PPP1R9A: variants seen among roughly 807,000 people sequenced by gnomAD.
The protein encoded by PPP1R9A is neurabin-1.
A neutral mutation model predicts 141.9 loss-of-function variants in PPP1R9A; 59 were observed. The ratio of observed to expected loss-of-function variants is 0.42; its 90% CI spans 0.34 to 0.52. The LOEUF (loss-of-function observed/expected upper bound fraction) is 0.52. Ranked by LOEUF, PPP1R9A falls within the 20% of genes least tolerant of loss-of-function variation. The pLI is 0.10. For synonymous variants in PPP1R9A, 500 were observed against 569.7 expected (o/e 0.88, Z 1.74); for missense variants, 1,444 against 1,611.9 (o/e 0.90, Z 1.78).
chr7:95,108,044 G>C (rs1015742001), intron 2 of PPP1R9A, among the ~76,000 whole-genome samples: 1 of 151,902 alleles, frequency 6.6e-6, no homozygotes, highest in Non-Finnish European at 1.5e-5. Context: ...CTAAGTTTTT[G>C]TATATAGGTA....
chr7:95,124,793 G>A (rs1823266573), intron 4 of PPP1R9A, among the ~76,000 whole-genome samples: 1 of 152,030 alleles, frequency 6.6e-6, no homozygotes, highest in Non-Finnish European at 1.5e-5. Context: ...TGTTAAATGA[G>A]CAGACATGTA....
At chr7:95,265,784 A>G (rs1306645482) in intron 12 of PPP1R9A, among the ~76,000 whole-genome samples, 2 of 152,184 alleles carry the variant, frequency 1.3e-5, no homozygotes, top group Non-Finnish European at 2.9e-5. Context: ...GCTCTGTGAT[A>G]TTTGCTTTCA....
intron 6 of PPP1R9A, among the ~76,000 whole-genome samples, chr7:95,203,303 G>T (rs1789984602): frequency 6.6e-6 from 1 of 151,760 alleles, no homozygotes; most frequent in Non-Finnish European, 1.5e-5. Context: ...AGTATTAAAA[G>T]GTATACAATA....
At chr7:95,265,295 G>A (rs1801110048) in intron 12 of PPP1R9A, among the ~76,000 whole-genome samples, 1 of 152,186 alleles carries the variant, frequency 6.6e-6, no homozygotes, top group Admixed American at 6.6e-5. Context: ...TCCAGAAGGA[G>A]AATAGGCTTC....
chr7:95,055,831 G>A (rs6959219), intron 2 of PPP1R9A, among the ~76,000 whole-genome samples: 75,099 of 151,776 alleles, frequency 0.49, 19,526 homozygotes, highest in African/African-American at 0.62. Context: ...ACATACGTTA[G>A]GAATTTCTTG....
chr7:94,997,284 T>G (rs1200933398), intron 2 of PPP1R9A, among the ~76,000 whole-genome samples: 1 of 152,170 alleles, frequency 6.6e-6, no homozygotes, highest in Non-Finnish European at 1.5e-5. Context: ...CTAGTCTCTT[T>G]TTTTCACCCA....
At chr7:94,969,364 C>T (rs1195778558) in intron 2 of PPP1R9A, among the ~76,000 whole-genome samples, 1 of 152,104 alleles carries the variant, frequency 6.6e-6, no homozygotes, top group Non-Finnish European at 1.5e-5. Context: ...GATGCTATTC[C>T]TTTCTGATTG....
chr7:95,092,924 T>A (rs898858479), intron 2 of PPP1R9A, among the ~76,000 whole-genome samples: 1 of 152,182 alleles, frequency 6.6e-6, no homozygotes, highest in Non-Finnish European at 1.5e-5. Flanking sequence ...TAAACTGTGT[T>A]GCTATAATTG....
chr7:94,957,128 A>T (rs1191904608), intron 2 of PPP1R9A, among the ~76,000 whole-genome samples: 1 of 152,180 alleles, frequency 6.6e-6, no homozygotes, highest in Non-Finnish European at 1.5e-5. Flanking sequence ...TTTATTTTAA[A>T]GCTACACTAC....
chr7:95,155,689 T>C (rs1439270451), intron 4 of PPP1R9A: 2 of 152,180 alleles, frequency 1.3e-5, no homozygotes, highest in Admixed American at 1.3e-4. Flanking sequence ...AAAGAAAATA[T>C]ATCAAATATT....
At chr7:94,952,315 G>A (rs1014549459) in intron 2 of PPP1R9A, among the ~76,000 whole-genome samples, 4 of 152,132 alleles carry the variant, frequency 2.6e-5, no homozygotes, top group Non-Finnish European at 5.9e-5. Flanking sequence ...AGTATTCCAT[G>A]GTGTATATGT....
chr7:95,018,866 A>G (rs2151696854), intron 2 of PPP1R9A, among the ~76,000 whole-genome samples: 1 of 152,206 alleles, frequency 6.6e-6, no homozygotes, highest in African/African-American at 2.4e-5. Context: ...TGCTGGCATG[A>G]GGGAAGCCAT....
At chr7:95,149,161 A>G (rs2152638839) in intron 4 of PPP1R9A, among the ~76,000 whole-genome samples, 1 of 152,276 alleles carries the variant, frequency 6.6e-6, no homozygotes, top group South Asian at 2.1e-4. Flanking sequence ...TGATTATATC[A>G]GTAGATGCAG....
chr7:95,187,249 T>C (rs938324279), intron 5 of PPP1R9A, among the ~76,000 whole-genome samples: 3 of 152,036 alleles, frequency 2.0e-5, no homozygotes, highest in Non-Finnish European at 4.4e-5. Context: ...TCTAGGAGGG[T>C]TGTATATTTT....
At chr7:94,988,071 T>C (rs1801065559) in intron 2 of PPP1R9A, among the ~76,000 whole-genome samples, 1 of 152,122 alleles carries the variant, frequency 6.6e-6, no homozygotes, top group South Asian at 2.1e-4. Context: ...CCCTGGACAC[T>C]TGTGGGCTAA....
rs546316619 is a variant in PPP1R9A, at chr7:95,126,605, A to G, written c.1649+5773A>G. Among the ~76,000 whole-genome samples the G allele has an allele frequency of 3.9e-5, 6 of 152,278 alleles. No individual in the cohort carries two copies. The East Asian group carries it at 1.2e-3, about 29-fold the overall frequency. On this transcript the variant is annotated intron_variant, in intron 4 of 19. Transcript: ENST00000433360. ...CCTCTGCTATCCTGGAAAACTTTGG[A>G]AAGTTTAGATAATCCATAGAACTGG... is the stretch of plus-strand genomic sequence containing the variant.
chr7:94,968,512 A>G (rs1798499331), intron 2 of PPP1R9A, among the ~76,000 whole-genome samples: 1 of 151,416 alleles, frequency 6.6e-6, no homozygotes, highest in South Asian at 2.1e-4. Flanking sequence ...CTAGGATTGC[A>G]ACCCCTGCTT....
intron 2 of PPP1R9A, among the ~76,000 whole-genome samples, chr7:95,028,978 G>A (rs114430859): frequency 0.022 from 3,404 of 152,156 alleles, 127 homozygotes; most frequent in African/African-American, 0.078. Context: ...TCTCAGAAGT[G>A]ATTTTTTTTT....
At chr7:94,955,248 A>C (rs1796961608) in intron 2 of PPP1R9A, among the ~76,000 whole-genome samples, 1 of 152,110 alleles carries the variant, frequency 6.6e-6, no homozygotes, top group Non-Finnish European at 1.5e-5. Flanking sequence ...ATAGCACACT[A>C]TCTGATTCCT....
Sources: gnomAD v4.1 joint callset for allele counts (sites outside exome capture counted in the v4.1 genomes callset) on GRCh38, gnomAD v4.1.1 for gene constraint, MANE v1.5 for transcripts, NCBI Gene and HGNC (gene_info 2026-07-23, HGNC 2026-07-21) for gene names.